Variants in FTCDNL1 observed in about 807,000 individuals in gnomAD.
FTCDNL1 encodes the protein formiminotransferase cyclodeaminase N-terminal like.
A neutral mutation model predicts 5.9 loss-of-function variants in FTCDNL1; 11 were observed. That is an observed-to-expected ratio of 1.87 (90% confidence interval 1.18 to 3.10). The LOEUF (loss-of-function observed/expected upper bound fraction) is 3.10, where lower values mean the gene tolerates loss of function less well. FTCDNL1 is among the 30% of genes most tolerant of loss of function. The pLI, the probability that FTCDNL1 is intolerant of heterozygous loss-of-function variation, is 0.00. For synonymous variants in FTCDNL1, 58 were observed against 24.8 expected, an observed-to-expected ratio of 2.34 and a Z score of -3.99; for missense variants, 115 against 65.5, an observed-to-expected ratio of 1.76 and a Z score of -2.61.
intron 3 of FTCDNL1, among the ~76,000 whole-genome samples, chr2:199,796,614 T>G (rs1449942793): frequency 6.6e-6 from 1 of 152,200 alleles, no homozygotes; most frequent in Admixed American, 6.5e-5. Context: ...GTCCAGATTT[T>G]AAAGGATAAT....
chr2:199,751,444 T>G, the FTCDNL1 span, among the ~76,000 whole-genome samples: 1 of 152,228 alleles, frequency 6.6e-6, no homozygotes, highest in African/African-American at 2.4e-5. Context: ...TTCTGGTGAC[T>G]GTCCATTCAA....
intron 3 of FTCDNL1, among the ~76,000 whole-genome samples, chr2:199,827,589 T>C (rs531172024): frequency 5.1e-4 from 77 of 152,188 alleles, no homozygotes; most frequent in Non-Finnish European, 7.9e-4. Context: ...CCATGATCTT[T>C]GGAATTTGCT....
At chr2:199,671,782 C>G in the FTCDNL1 span, among the ~76,000 whole-genome samples, 1 of 152,082 alleles carries the variant, frequency 6.6e-6, no homozygotes, top group South Asian at 2.1e-4. Flanking sequence ...TTGTTTCTGT[C>G]TCACCCAGAG....
intron 3 of FTCDNL1, among the ~76,000 whole-genome samples, chr2:199,825,601 A>C (rs187768381): frequency 5.9e-5 from 9 of 152,220 alleles, no homozygotes; most frequent in African/African-American, 2.2e-4. Flanking sequence ...CTTACTTTAT[A>C]AGTTCACACA....
chr2:199,780,833 C>T (rs993250017), intron 3 of FTCDNL1, among the ~76,000 whole-genome samples: 1 of 152,206 alleles, frequency 6.6e-6, no homozygotes, highest in Non-Finnish European at 1.5e-5. Flanking sequence ...TCTGCCCTTT[C>T]CTGGTGTGAC....
the FTCDNL1 span, among the ~76,000 whole-genome samples, chr2:199,685,555 G>T: frequency 2.0e-5 from 3 of 152,128 alleles, no homozygotes; most frequent in Non-Finnish European, 4.4e-5. Context: ...ATCACGGTTA[G>T]AGTCTTGCTG....
chr2:199,717,509 A>ATTGTTTTTTTTTTTTTTTT, the FTCDNL1 span, among the ~76,000 whole-genome samples: 1 of 57,660 alleles, frequency 1.7e-5, no homozygotes, highest in East Asian at 9.2e-4. Context: ...CAAGGCAGAG[A>ATTGTTTTTTTTTTTTTTTT]TTTTTTTTTT....
the FTCDNL1 span, among the ~76,000 whole-genome samples, chr2:199,736,034 C>T: frequency 1.2e-3 from 176 of 152,270 alleles, 1 homozygote; most frequent in African/African-American, 4.1e-3. Context: ...ATAGCCTATG[C>T]CAACCCCAAT....
At chr2:199,806,269 C>T (rs1008510945), downstream of FTCDNL1, among the ~76,000 whole-genome samples, 1 of 152,094 alleles carries the variant, frequency 6.6e-6, no homozygotes, top group African/African-American at 2.4e-5. Context: ...GCTTTCCTAA[C>T]CCCCCAAGCA....
intron 3 of FTCDNL1, among the ~76,000 whole-genome samples, chr2:199,769,659 A>C (rs1698714313): frequency 6.6e-6 from 1 of 152,188 alleles, no homozygotes; most frequent in Non-Finnish European, 1.5e-5. Flanking sequence ...TTGGTCTCCA[A>C]CAATCCTTCT....
the FTCDNL1 span, among the ~76,000 whole-genome samples, chr2:199,688,532 CACT>C: frequency 6.6e-6 from 1 of 152,108 alleles, no homozygotes; most frequent in Admixed American, 6.5e-5. Context: ...TCCCCAACCT[CACT>C]CACACCGATA....
At chr2:199,724,018 C>CT in the FTCDNL1 span, among the ~76,000 whole-genome samples, 1 of 152,002 alleles carries the variant, frequency 6.6e-6, no homozygotes, top group Non-Finnish European at 1.5e-5. Context: ...TGGTCCTGGG[C>CT]TTTTTTTGGT....
chr2:199,728,203 G>C, the FTCDNL1 span, among the ~76,000 whole-genome samples: 7 of 151,490 alleles, frequency 4.6e-5, no homozygotes, highest in African/African-American at 1.5e-4. Context: ...TTTTTAAGGT[G>C]ATTTTTTAAA....
chr2:199,759,165 A>ATG (rs962803292), downstream of FTCDNL1, among the ~76,000 whole-genome samples: 32 of 151,996 alleles, frequency 2.1e-4, no homozygotes, highest in Middle Eastern at 3.4e-3. Context: ...ACACATATGT[A>ATG]TGTGTGTGTG....
At chr2:199,746,222 CTGA>C in the FTCDNL1 span, among the ~76,000 whole-genome samples, 1 of 152,226 alleles carries the variant, frequency 6.6e-6, no homozygotes, top group Non-Finnish European at 1.5e-5. Flanking sequence ...CTTAATTCCT[CTGA>C]CAGTTGTGTC....
chr2:199,751,386 A>G, the FTCDNL1 span, among the ~76,000 whole-genome samples: 2 of 152,206 alleles, frequency 1.3e-5, no homozygotes, highest in African/African-American at 4.8e-5. Context: ...ATGATGCCCA[A>G]AAGAGAAGAG....
At chr2:199,671,831 A>G in the FTCDNL1 span, among the ~76,000 whole-genome samples, 1 of 152,152 alleles carries the variant, frequency 6.6e-6, no homozygotes. Context: ...CTTAAGAGGA[A>G]CATAGACTTC....
chr2:199,840,562 G>A (rs1018860906), intron 3 of FTCDNL1, among the ~76,000 whole-genome samples: 2 of 152,030 alleles, frequency 1.3e-5, no homozygotes, highest in Admixed American at 1.3e-4. Flanking sequence ...AATAGATAAT[G>A]CCTAAAACTG....
intron 3 of FTCDNL1, among the ~76,000 whole-genome samples, chr2:199,824,706 C>T (rs1701912029): frequency 6.6e-6 from 1 of 152,002 alleles, no homozygotes; most frequent in Non-Finnish European, 1.5e-5. Flanking sequence ...ATAGGGAAAC[C>T]CAAGGAAAGG....
Sources: allele counts gnomAD v4.1 joint callset (sites outside exome capture counted in the v4.1 genomes callset), GRCh38; gene constraint gnomAD v4.1.1; transcripts MANE v1.5; gene names NCBI Gene and HGNC (gene_info 2026-07-23, HGNC 2026-07-21).